Variants in EYS observed in about 807,000 individuals in gnomAD.
EYS encodes the protein EGF-like photoreceptor maintenance factor.
In EYS, 250 loss-of-function variants were observed where a neutral mutation model predicts 282.1. That is an observed-to-expected ratio of 0.89 (90% confidence interval 0.80 to 0.98). The LOEUF (loss-of-function observed/expected upper bound fraction) is 0.98, where lower values mean the gene tolerates loss of function less well. EYS is among the 50% of genes least tolerant of loss of function. The pLI, the probability that EYS is intolerant of heterozygous loss-of-function variation, is 0.00. For missense variants in EYS, 4,016 were observed against 3,709.0 expected, an observed-to-expected ratio of 1.08 and a Z score of -2.15; for synonymous variants, 1,355 against 1,282.9, an observed-to-expected ratio of 1.06 and a Z score of -1.20.
Position 64,551,197 on chromosome 6 carries a change from TAC to T in EYS, c.5644+39024_5644+39025del, listed in dbSNP as rs1000706773. On this transcript the variant is annotated intron_variant, in intron 26 of 42. Coordinates refer to ENST00000503581, the MANE Select transcript of EYS (RefSeq NM_001142800.2). ...ATATATACACACATATATACATATA[TAC>T]ACACATATATATATATACATATATA... Among the ~76,000 whole-genome samples, 6 of 149,250 alleles carry T rather than the reference TAC, an allele frequency of 4.0e-5. No homozygotes were observed. In the Admixed American group the frequency reaches 4.0e-4, roughly 10 times the overall value.
At chr6:65,646,644 A>C (rs1907011) in intron 1 of EYS, among the ~76,000 whole-genome samples, 1 of 152,010 alleles carries the variant, frequency 6.6e-6, no homozygotes, top group African/African-American at 2.4e-5. Context: ...CACCACTTCT[A>C]TTCAACACAG....
intron 23 of EYS, among the ~76,000 whole-genome samples, chr6:64,625,518 C>G (rs1439231331): frequency 6.6e-6 from 1 of 152,132 alleles, no homozygotes; most frequent in Non-Finnish European, 1.5e-5. Flanking sequence ...TGTGGAAGGG[C>G]CAGCTAGCTC....
At chr6:64,299,443 A>T (rs1582559471) in intron 30 of EYS, among the ~76,000 whole-genome samples, 1 of 152,198 alleles carries the variant, frequency 6.6e-6, no homozygotes, top group East Asian at 1.9e-4. Flanking sequence ...TGTGCAGCCT[A>T]GGTCTGTGGG....
At chr6:63,880,129 G>T (rs914193994) in intron 35 of EYS, among the ~76,000 whole-genome samples, 1 of 152,118 alleles carries the variant, frequency 6.6e-6, no homozygotes, top group Non-Finnish European at 1.5e-5. Flanking sequence ...AGGATGCAAG[G>T]TATTAATCCT....
intron 35 of EYS, among the ~76,000 whole-genome samples, chr6:63,947,951 T>C (rs1167636201): frequency 6.6e-6 from 1 of 152,206 alleles, no homozygotes; most frequent in African/African-American, 2.4e-5. Flanking sequence ...AGGAAGAAAG[T>C]TCATTTGAAA....
chr6:65,146,319 A>C (rs545682719), intron 12 of EYS, among the ~76,000 whole-genome samples: 7 of 151,546 alleles, frequency 4.6e-5, no homozygotes, highest in African/African-American at 1.7e-4. Flanking sequence ...AAAAACAAAA[A>C]TAATAATGAT....
intron 13 of EYS, among the ~76,000 whole-genome samples, chr6:65,018,329 C>T (rs1772123428): frequency 6.6e-6 from 1 of 152,118 alleles, no homozygotes; most frequent in Non-Finnish European, 1.5e-5. Context: ...TCTCCTCTAG[C>T]TTCCTGTGTT....
Position 65,538,315 on chromosome 6 carries a change from G to A in EYS, c.-332-42322C>T, listed in dbSNP as rs184966036. Among the ~76,000 whole-genome samples, 326 of 152,196 alleles carry A rather than the reference G, an allele frequency of 2.1e-3. 3 individuals carry two copies. The highest frequency in any genetic ancestry group is 3.9e-3 in the Non-Finnish European group (266 of 68,012). On this transcript the variant is annotated intron_variant, in intron 2 of 42. Coordinates refer to ENST00000503581, the MANE Select transcript of EYS (RefSeq NM_001142800.2). ...TAGTTTGATTGTTGGACAGTTCCAA[G>A]GGTCCAATAAAGGTTGTCAATTGAG...
At chr6:64,644,197 A>T (rs1285520159) in intron 22 of EYS, among the ~76,000 whole-genome samples, 1 of 152,218 alleles carries the variant, frequency 6.6e-6, no homozygotes, top group African/African-American at 2.4e-5. Context: ...CAGAGTCAAA[A>T]GATAAATAAT....
At chr6:64,319,688 C>A (rs1363815380) in intron 29 of EYS, among the ~76,000 whole-genome samples, 1 of 86,232 alleles carries the variant, frequency 1.2e-5, no homozygotes, top group South Asian at 4.1e-4. Flanking sequence ...CAGGCAATCT[C>A]AGATGGATGG....
At chr6:63,970,974 C>A (rs1448346086) in intron 35 of EYS, among the ~76,000 whole-genome samples, 1 of 152,044 alleles carries the variant, frequency 6.6e-6, no homozygotes, top group African/African-American at 2.4e-5. Flanking sequence ...ATTTAAAGAA[C>A]GTTTGAGAAG....
intron 8 of EYS, among the ~76,000 whole-genome samples, chr6:65,356,135 TATAC>T (rs1764474978): frequency 6.6e-6 from 1 of 152,008 alleles, no homozygotes; most frequent in Non-Finnish European, 1.5e-5. Flanking sequence ...TACACATACA[TATAC>T]ATACACACAA....
At chr6:63,919,339 C>T (rs1383200328) in intron 35 of EYS, among the ~76,000 whole-genome samples, 2 of 66,384 alleles carry the variant, frequency 3.0e-5, no homozygotes, top group Non-Finnish European at 5.4e-5. Context: ...TTTTTTTGTG[C>T]AGCCTGAGAG....
chr6:65,137,782 G>A (rs139488809), intron 12 of EYS, among the ~76,000 whole-genome samples: 2 of 152,000 alleles, frequency 1.3e-5, no homozygotes, highest in East Asian at 1.9e-4. Context: ...ATATTTAAGA[G>A]GAACAAGTTT....
chr6:65,464,918 A>T (rs1436422224), intron 5 of EYS, among the ~76,000 whole-genome samples: 1 of 152,162 alleles, frequency 6.6e-6, no homozygotes, highest in Non-Finnish European at 1.5e-5. Flanking sequence ...TATCCACATG[A>T]CCTAATTACT....
At chr6:64,314,218 A>AAAAAAG (rs1769844545) in intron 29 of EYS, among the ~76,000 whole-genome samples, 1 of 148,316 alleles carries the variant, frequency 6.7e-6, no homozygotes, top group Non-Finnish European at 1.5e-5. Flanking sequence ...AAAAAAAAAA[A>AAAAAAG]GCAGGGGTTG....
At chr6:64,406,028 C>T (rs1052483327) in intron 28 of EYS, among the ~76,000 whole-genome samples, 2 of 152,062 alleles carry the variant, frequency 1.3e-5, no homozygotes, top group African/African-American at 4.8e-5. Flanking sequence ...AAGAATAAAG[C>T]TGGAGGCATC....
intron 30 of EYS, among the ~76,000 whole-genome samples, chr6:64,252,645 G>C (rs541245307): frequency 2.0e-5 from 3 of 152,010 alleles, no homozygotes; most frequent in African/African-American, 7.2e-5. Context: ...CTAATCTCTC[G>C]GCCTTCAAAC....
intron 5 of EYS, among the ~76,000 whole-genome samples, chr6:65,481,572 G>A (rs944670319): frequency 1.3e-5 from 2 of 151,988 alleles, no homozygotes; most frequent in African/African-American, 2.4e-5. Context: ...GTTTTGAGAC[G>A]GAGTCTCGCT....
Sources: gnomAD v4.1 joint callset for allele counts (sites outside exome capture counted in the v4.1 genomes callset) on GRCh38, gnomAD v4.1.1 for gene constraint, MANE v1.5 for transcripts, NCBI Gene and HGNC (gene_info 2026-07-23, HGNC 2026-07-21) for gene names.